The following ADAMTSL1 variants were observed in gnomAD, a reference collection of about 807,000 sequenced individuals.
The protein encoded by ADAMTSL1 is ADAMTS-like protein 1.
ADAMTSL1 carries 126 observed loss-of-function variants against 201.8 expected under a neutral mutation model. The observed-to-expected ratio is 0.62, with a 90% CI of 0.54 to 0.72. The LOEUF is 0.72. ADAMTSL1 is among the 30% of genes least tolerant of loss of function. The pLI is 0.00. For synonymous variants in ADAMTSL1, 1,121 were observed against 903.4 expected, an observed-to-expected ratio of 1.24 and a Z score of -4.32; for missense variants, 2,679 against 2,277.8, an observed-to-expected ratio of 1.18 and a Z score of -3.59.
At chr9:18,024,378 G>A (rs1374640434) in intron 1 of ADAMTSL1, among the ~76,000 whole-genome samples, 1 of 152,002 alleles carries the variant, frequency 6.6e-6, no homozygotes. Context: ...AGAGAGCACA[G>A]TAACCAATAG....
At chr9:17,917,281 G>A (rs1022051565) in intron 1 of ADAMTSL1, among the ~76,000 whole-genome samples, 1 of 151,990 alleles carries the variant, frequency 6.6e-6, no homozygotes, top group African/African-American at 2.4e-5. Flanking sequence ...CGAACCTCCA[G>A]TACAAGGTTG....
At chr9:18,804,511 A>G (rs927892429) in intron 20 of ADAMTSL1, among the ~76,000 whole-genome samples, 6 of 152,226 alleles carry the variant, frequency 3.9e-5, no homozygotes, top group Admixed American at 2.6e-4. Flanking sequence ...ATGTTAATAT[A>G]ACTATTATTT....
chr9:18,651,731 C>T (rs1367837633), intron 7 of ADAMTSL1, among the ~76,000 whole-genome samples: 3 of 152,120 alleles, frequency 2.0e-5, no homozygotes, highest in African/African-American at 7.2e-5. Context: ...TTTCTGCTTG[C>T]ATCAGTTAGA....
chr9:17,958,448 C>T (rs975793406), intron 1 of ADAMTSL1, among the ~76,000 whole-genome samples: 1 of 152,266 alleles, frequency 6.6e-6, no homozygotes, highest in South Asian at 2.1e-4. Flanking sequence ...TTTTAGTTGA[C>T]ATTTTTCTTC....
chr9:18,507,344 GT>G (rs1413517675), intron 2 of ADAMTSL1, among the ~76,000 whole-genome samples: 6 of 152,170 alleles, frequency 3.9e-5, no homozygotes, highest in Non-Finnish European at 8.8e-5. Flanking sequence ...CTAAGACTGA[GT>G]TAATCCCTTT....
At chr9:18,879,177 G>C (rs1828368002) in intron 23 of ADAMTSL1, among the ~76,000 whole-genome samples, 1 of 152,198 alleles carries the variant, frequency 6.6e-6, no homozygotes, top group African/African-American at 2.4e-5. Context: ...GGAGGGGTGA[G>C]AATGAATTTG....
In ADAMTSL1 at chr9:18,283,607, T is replaced by TAAAAA. The variant is rs34012085; in HGVS notation, c.207+119645_207+119649dup. Among the ~76,000 whole-genome samples, 115 of 60,758 alleles carry TAAAAA rather than the reference T, an allele frequency of 1.9e-3. 1 individual carries two copies. Among genetic ancestry groups the TAAAAA allele is most frequent in the South Asian group, 2.8e-3 (3 of 1,080 alleles). The allele number at this position is 60,758 out of a possible 152,430, so 39.9% of individuals were successfully genotyped here. ...GTTGAAGGAATGAGAAACTGTATCTTAAAAAAAAAAAAAAAAAAAAAAAGG... is the reference window on the plus strand; with the variant it reads ...GTTGAAGGAATGAGAAACTGTATCTTAAAAAAAAAAAAAAAAAAAAAAAAAAAAGG... On this transcript the variant is annotated intron_variant, in intron 2 of 29. Transcript: ENST00000680146.
chr9:18,022,729 G>A (rs185526188), intron 1 of ADAMTSL1, among the ~76,000 whole-genome samples: 4 of 152,254 alleles, frequency 2.6e-5, no homozygotes, highest in Admixed American at 2.6e-4. Flanking sequence ...ATATAAAGAA[G>A]CATGATTTAT....
At chr9:18,597,365 T>A (rs1824337447) in intron 4 of ADAMTSL1, among the ~76,000 whole-genome samples, 1 of 152,214 alleles carries the variant, frequency 6.6e-6, no homozygotes, top group Non-Finnish European at 1.5e-5. Flanking sequence ...TGGCTTAGGA[T>A]TAAATTGGAT....
intron 2 of ADAMTSL1, among the ~76,000 whole-genome samples, chr9:18,173,989 A>G (rs564466903): frequency 6.6e-6 from 1 of 152,126 alleles, no homozygotes; most frequent in Non-Finnish European, 1.5e-5. Flanking sequence ...AAACTAGAAC[A>G]CTCTGAAACG....
At chr9:18,339,705 G>A (rs1835391731) in intron 2 of ADAMTSL1, among the ~76,000 whole-genome samples, 2 of 152,072 alleles carry the variant, frequency 1.3e-5, no homozygotes, top group Admixed American at 1.3e-4. Flanking sequence ...ATCCCAAAGT[G>A]TTGGGATAAC....
chr9:18,208,457 C>A (rs1563808790), intron 2 of ADAMTSL1, among the ~76,000 whole-genome samples: 1 of 152,106 alleles, frequency 6.6e-6, no homozygotes, highest in Non-Finnish European at 1.5e-5. Context: ...ACACGGCAAC[C>A]AATGAGTGTC....
rs1054094529 is a variant in ADAMTSL1 at position 18,331,592 on chromosome 9, C to G, written c.207+167611C>G. On this transcript the variant is annotated intron_variant, in intron 2 of 29. Transcript: ENST00000680146. ...TGAATGAATTATTGAAGTCCCTGTA[C>G]TAATTTTATCTCTGGTGTAGAGGTT... 4.6e-5 allele frequency among the ~76,000 whole-genome samples: 7 copies of G among 152,306 alleles called. No individual in the cohort carries two copies. In the South Asian group the frequency reaches 1.4e-3, roughly 32 times the overall value.
chr9:18,068,565 T>G (rs1822814105), intron 1 of ADAMTSL1, among the ~76,000 whole-genome samples: 1 of 152,020 alleles, frequency 6.6e-6, no homozygotes, highest in South Asian at 2.1e-4. Flanking sequence ...CTCAAAATGG[T>G]AAACCCCACA....
intron 2 of ADAMTSL1, among the ~76,000 whole-genome samples, chr9:18,259,586 C>T (rs1563840959): frequency 1.3e-5 from 2 of 152,072 alleles, no homozygotes; most frequent in Non-Finnish European, 1.5e-5. Context: ...GCTTACAAGG[C>T]TCCCAGGGGA....
At chr9:18,513,482 A>G (rs535587600) in intron 2 of ADAMTSL1, among the ~76,000 whole-genome samples, 1 of 152,292 alleles carries the variant, frequency 6.6e-6, no homozygotes, top group Admixed American at 6.5e-5. Flanking sequence ...CTTGCCGTGC[A>G]GACTGTTTAC....
intron 1 of ADAMTSL1, among the ~76,000 whole-genome samples, chr9:18,096,814 C>T (rs1296575043): frequency 1.3e-5 from 2 of 152,162 alleles, no homozygotes; most frequent in Non-Finnish European, 2.9e-5. Flanking sequence ...CCACAAATAA[C>T]CATTGATAAG....
At chr9:18,672,486 A>G (rs1392307373) in intron 9 of ADAMTSL1, among the ~76,000 whole-genome samples, 1 of 152,210 alleles carries the variant, frequency 6.6e-6, no homozygotes, top group East Asian at 1.9e-4. Context: ...ACCACTGTTG[A>G]GAGTTTTTTA....
At chr9:18,229,113 G>T in intron 2 of ADAMTSL1, among the ~76,000 whole-genome samples, 1 of 152,200 alleles carries the variant, frequency 6.6e-6, no homozygotes, top group East Asian at 1.9e-4. Context: ...ATGCAAAAAA[G>T]AAAGTATTTT....
Sources: allele counts gnomAD v4.1 joint callset (sites outside exome capture counted in the v4.1 genomes callset), GRCh38; gene constraint gnomAD v4.1.1; transcripts MANE v1.5; gene names NCBI Gene and HGNC (gene_info 2026-07-23, HGNC 2026-07-21).